ZNF469: variants seen among roughly 807,000 people sequenced by gnomAD.
ZNF469 encodes the protein zinc finger protein 469.
ZNF469 carries 1 observed loss-of-function variant against 1.0 expected under a neutral mutation model. The observed-to-expected ratio is 1.00, with a 90% CI of 0.35 to 4.73. The LOEUF is 4.73. Ranked by LOEUF, ZNF469 falls within the 30% of genes most tolerant of loss-of-function variation. The pLI is 0.16. For missense variants in ZNF469, 6,100 were observed against 5,356.3 expected, an observed-to-expected ratio of 1.14 and a Z score of -4.33; for synonymous variants, 2,703 against 2,363.4, an observed-to-expected ratio of 1.14 and a Z score of -4.17.
the ZNF469 span, among the ~76,000 whole-genome samples, chr16:88,196,816 A>T: frequency 2.0e-5 from 3 of 152,146 alleles, no homozygotes; most frequent in Admixed American, 2.0e-4. Flanking sequence ...GAGACTGAGC[A>T]CTGTTTTGTC....
the ZNF469 span, among the ~76,000 whole-genome samples, chr16:88,264,705 G>A: frequency 6.6e-6 from 1 of 151,750 alleles, no homozygotes; most frequent in African/African-American, 2.4e-5. Flanking sequence ...CACACCTCAA[G>A]CTCAGCACAG....
chr16:88,356,029 C>G, the ZNF469 span, among the ~76,000 whole-genome samples: 1 of 152,176 alleles, frequency 6.6e-6, no homozygotes, highest in Non-Finnish European at 1.5e-5. Context: ...GGAGAGGACC[C>G]TAGAAGCTGG....
the ZNF469 span, among the ~76,000 whole-genome samples, chr16:88,245,597 C>G: frequency 2.0e-5 from 3 of 152,340 alleles, no homozygotes; most frequent in East Asian, 5.8e-4. Flanking sequence ...CACCACGTGA[C>G]GGTCACCTTC....
chr16:88,322,565 G>A, the ZNF469 span, among the ~76,000 whole-genome samples: 1 of 152,250 alleles, frequency 6.6e-6, no homozygotes, highest in African/African-American at 2.4e-5. Flanking sequence ...CAAGTCCGGT[G>A]ATGCTGGAGG....
At chr16:88,225,435 C>T in the ZNF469 span, among the ~76,000 whole-genome samples, 1 of 152,136 alleles carries the variant, frequency 6.6e-6, no homozygotes, top group Admixed American at 6.5e-5. Flanking sequence ...CCTTTCTAAT[C>T]GCCAGAAGGG....
chr16:88,158,067 G>C, the ZNF469 span, among the ~76,000 whole-genome samples: 1 of 151,922 alleles, frequency 6.6e-6, no homozygotes, highest in Admixed American at 6.5e-5. Flanking sequence ...TGCTCTTGGG[G>C]TGTCCGCCAC....
Position 88,383,164 on chromosome 16 carries a change from G to T in ZNF469, c.-282G>T, listed in dbSNP as rs1298071400. Among the ~76,000 whole-genome samples, 1 of 147,994 alleles carries T rather than the reference G, an allele frequency of 6.8e-6. No homozygotes were observed. The highest frequency in any genetic ancestry group is 1.5e-5 in the Non-Finnish European group (1 of 66,416). On this transcript the variant is annotated 5_prime_UTR_variant, in exon 1 of 3. Transcript: ENST00000565624. Reference sequence around the variant, plus strand: ...GCGGGCCTGCGGTCGGGATGAGGACGGCGCCTCCGCTGCAGAGCGCTGGGG... The same window carrying T: ...GCGGGCCTGCGGTCGGGATGAGGACTGCGCCTCCGCTGCAGAGCGCTGGGG...
intron 1 of ZNF469, among the ~76,000 whole-genome samples, chr16:88,411,482 AGGGGTGCGAGCGGGCAGGGGTGCAAGCAG>A: frequency 4.1e-4 from 2 of 4,916 alleles, no homozygotes; most frequent in African/African-American, 6.3e-4. Context: ...GCAAGCAGGC[AGGGGTGCGAGCGGGCAGGGGTGCAAGCAG>A]GCAGGGGTGC....
At chr16:88,388,457 G>C (rs969937777) in intron 1 of ZNF469, among the ~76,000 whole-genome samples, 13 of 137,450 alleles carry the variant, frequency 9.5e-5, no homozygotes, top group African/African-American at 3.0e-4. Context: ...TCCCTGAGCG[G>C]GGTTTTCCGC....
chr16:88,422,726 GATA>G (rs1490739269), intron 1 of ZNF469, among the ~76,000 whole-genome samples: 5 of 149,712 alleles, frequency 3.3e-5, no homozygotes, highest in Admixed American at 2.6e-4. Flanking sequence ...TGGATGGATG[GATA>G]ATGATGATGG....
At chr16:88,177,367 C>G in the ZNF469 span, 2 of 152,230 alleles carry the variant, frequency 1.3e-5, no homozygotes, top group African/African-American at 4.8e-5. This position sits in a 1 kb window ranked among gnomAD's most constrained non-coding sequence, Gnocchi z 4.8. Context: ...ATGCTCCCCT[C>G]TTCCCCACCC....
the ZNF469 span, among the ~76,000 whole-genome samples, chr16:88,105,772 G>T: frequency 6.6e-6 from 1 of 152,222 alleles, no homozygotes. Context: ...GATGATGTCT[G>T]CCATGACTGG....
the ZNF469 span, among the ~76,000 whole-genome samples, chr16:88,132,566 G>A: frequency 0.033 from 5,030 of 151,894 alleles, no homozygotes; most frequent in African/African-American, 0.11. Flanking sequence ...GACACACGCT[G>A]GCCCCAGCTC....
In ZNF469 at chr16:88,436,414, G is replaced by C. The variant is rs1006857833; in HGVS notation, c.8944G>C (p.Asp2982His). The C allele has an allele frequency of 1.1e-5, 17 of 1,549,018 alleles. 1 individual carries two copies. Among genetic ancestry groups the C allele is most frequent in the Admixed American group, 5.9e-5 (3 of 50,990 alleles). ...GCTGCCCTCCCACTGCCCCGAGGACGATCGGCCGGAGGCCATTCCTGAGCT... is the reference window on the plus strand; with the variant it reads ...GCTGCCCTCCCACTGCCCCGAGGACCATCGGCCGGAGGCCATTCCTGAGCT... Reference protein sequence around the residue: ...EKLPSHCPEDDRPEAIPELHM... With the variant: ...EKLPSHCPEDHRPEAIPELHM... The change falls in exon 3 of 3, where the codon GAT becomes CAT. Residue 2982 changes from aspartate (D) to histidine (H), a missense_variant. Physicochemically the swap from Asp to His is moderately conservative, Grantham distance 81. Transcript: ENST00000565624.
At chr16:88,394,316 G>A (rs1392017762) in intron 1 of ZNF469, among the ~76,000 whole-genome samples, 1 of 152,258 alleles carries the variant, frequency 6.6e-6, no homozygotes, top group Admixed American at 6.5e-5. Flanking sequence ...TGCTGTCCGA[G>A]AGGGGTGGAG....
rs1905931821 is a variant in ZNF469 at position 88,429,161 on chromosome 16, G to T, written c.1691G>T (p.Gly564Val). The change falls in exon 3 of 3, where the codon GGG (glycine) becomes GTG (valine). Residue 564 changes from glycine (G) to valine (V), a missense_variant. Physicochemically the swap from Gly to Val is moderately radical, Grantham distance 109. Coordinates refer to ENST00000565624, the MANE Select transcript of ZNF469 (RefSeq NM_001367624.2). ...TDPGAQPLFF[G>V]VAQPQVSPHG... ...CCTGGGGCTCAGCCCCTGTTCTTCG[G>T]GGTGGCCCAGCCCCAGGTTTCACCC... The T allele has an allele frequency of 1.3e-6, 2 of 1,549,794 alleles. No homozygotes were observed. The highest frequency in any genetic ancestry group is 2.7e-5 in the African/African-American group (2 of 72,980).
At chr16:88,295,345 C>T in the ZNF469 span, among the ~76,000 whole-genome samples, 43 of 37,866 alleles carry the variant, frequency 1.1e-3, no homozygotes, top group African/African-American at 3.5e-3. Flanking sequence ...GCCCCCAGGA[C>T]GTGGCAGGGC....
chr16:88,162,178 T>C, the ZNF469 span, among the ~76,000 whole-genome samples: 1 of 152,158 alleles, frequency 6.6e-6, no homozygotes, highest in Non-Finnish European at 1.5e-5. Context: ...TTAGCCAACT[T>C]GCCCTGAGCT....
the ZNF469 span, among the ~76,000 whole-genome samples, chr16:88,242,639 G>T: frequency 4.5e-4 from 69 of 152,346 alleles, no homozygotes; most frequent in African/African-American, 1.6e-3. Flanking sequence ...AGAGCAGATG[G>T]GAGGAAGCTC....
Sources: gnomAD v4.1 joint callset for allele counts (sites outside exome capture counted in the v4.1 genomes callset) on GRCh38, gnomAD v4.1.1 for gene constraint, Gnocchi (gnomAD v3.1) non-coding constraint, MANE v1.5 for transcripts, NCBI Gene and HGNC (gene_info 2026-07-23, HGNC 2026-07-21) for gene names.